PARPBP: variants seen among roughly 807,000 people sequenced by gnomAD.
The protein encoded by PARPBP is PARP1 binding protein.
A neutral mutation model predicts 50.0 loss-of-function variants in PARPBP; 52 were observed. The ratio of observed to expected loss-of-function variants is 1.04; its 90% confidence interval spans 0.83 to 1.31. PARPBP has a LOEUF of 1.31. PARPBP is among the 50% of genes most tolerant of loss of function. The pLI, the probability that PARPBP is intolerant of heterozygous loss-of-function variation, is 0.00. For missense variants in PARPBP, 697 were observed against 672.0 expected (o/e 1.04, Z -0.41); for synonymous variants, 244 against 232.1 (o/e 1.05, Z -0.47).
At chr12:102,128,395 C>T (rs1347253950) in intron 2 of PARPBP, among the ~76,000 whole-genome samples, 1 of 152,182 alleles carries the variant, frequency 6.6e-6, no homozygotes, top group Non-Finnish European at 1.5e-5. Flanking sequence ...CCACACCCGG[C>T]TAATTTTTTG....
At chr12:102,180,965 T>C (rs1889769359) in intron 8 of PARPBP, among the ~76,000 whole-genome samples, 1 of 152,106 alleles carries the variant, frequency 6.6e-6, no homozygotes, top group Non-Finnish European at 1.5e-5. Context: ...GTCAAGGGGG[T>C]TCTAATTCTG....
intron 7 of PARPBP, among the ~76,000 whole-genome samples, chr12:102,176,475 T>C (rs894054803): frequency 3.9e-5 from 6 of 152,240 alleles, no homozygotes; most frequent in African/African-American, 1.4e-4. Flanking sequence ...TACTAAAACC[T>C]GTACCTGGCA....
At chr12:102,151,770 C>A (rs1194491238) in intron 3 of PARPBP, 5 of 1,535,576 alleles carry the variant, frequency 3.3e-6, no homozygotes, top group Non-Finnish European at 4.4e-6. Flanking sequence ...AGAGACGAGA[C>A]CTGAAGAAGC....
intron 4 of PARPBP, among the ~76,000 whole-genome samples, chr12:102,161,130 C>T (rs1193684937): frequency 6.6e-6 from 1 of 151,490 alleles, no homozygotes; most frequent in African/African-American, 2.4e-5. Context: ...TCTTTGGAGA[C>T]AGTCTCATTC....
intron 2 of PARPBP, among the ~76,000 whole-genome samples, chr12:102,136,060 C>A (rs1314457426): frequency 6.6e-6 from 1 of 152,176 alleles, no homozygotes; most frequent in Admixed American, 6.5e-5. Context: ...TCTCCCACAT[C>A]AATTTTTAAA....
chr12:102,166,715 G>A (rs768411398), intron 6 of PARPBP, among the ~76,000 whole-genome samples: 2 of 152,062 alleles, frequency 1.3e-5, no homozygotes, highest in Non-Finnish European at 2.9e-5. Context: ...TCAGTACTGT[G>A]CATCCATTCT....
In PARPBP at chr12:102,197,329, T is replaced by A; in HGVS notation, c.*1038T>A. The A allele has an allele frequency of 1.2e-6, 1 of 825,424 alleles. No homozygotes were observed. The highest frequency in any genetic ancestry group is 1.7e-5 in the African/African-American group (1 of 57,936). 51.1% of individuals were successfully genotyped at this position (825,424 alleles called of 1,614,324 possible). A position where few individuals can be genotyped will look rare whatever the true frequency, so the allele number is the denominator to read the frequency against. On this transcript the variant is annotated 3_prime_UTR_variant, in exon 11 of 11. Coordinates refer to ENST00000327680, the MANE Select transcript of PARPBP (RefSeq NM_017915.5). ...TGCAAATTTATAGGAGAAAAAACAC[T>A]TTCAGATAAGAGGTGTTTGCTGGGA...
chr12:102,125,618 C>G (rs998701329), intron 2 of PARPBP, among the ~76,000 whole-genome samples: 2 of 152,176 alleles, frequency 1.3e-5, no homozygotes, highest in Admixed American at 6.5e-5. Context: ...CTCCTTCCCT[C>G]CACTAATTAC....
At chr12:102,138,276 T>A (rs924364579) in intron 2 of PARPBP, among the ~76,000 whole-genome samples, 4 of 152,354 alleles carry the variant, frequency 2.6e-5, no homozygotes, top group African/African-American at 9.6e-5. Flanking sequence ...CATTTTTTCT[T>A]GTGTCTTTTG....
rs969794302 is a variant in PARPBP, at chr12:102,157,313, G to A, written c.495+3337G>A. Among the ~76,000 whole-genome samples the A allele has an allele frequency of 1.2e-4, 18 of 152,130 alleles. 1 individual carries two copies. The highest frequency in any genetic ancestry group is 5.8e-4 in the East Asian group (3 of 5,178). Reference sequence around the variant, plus strand: ...ATTTCCTAAAAGTAATGGCATAACCGCAATATAAGAAATAAGAAAATTTAA... The same window carrying A: ...ATTTCCTAAAAGTAATGGCATAACCACAATATAAGAAATAAGAAAATTTAA... On this transcript the variant is annotated intron_variant, in intron 4 of 10. Coordinates refer to ENST00000327680, the MANE Select transcript of PARPBP (RefSeq NM_017915.5).
At chr12:102,168,724 C>G (rs1249891791) in intron 6 of PARPBP, among the ~76,000 whole-genome samples, 1 of 152,106 alleles carries the variant, frequency 6.6e-6, no homozygotes, top group Non-Finnish European at 1.5e-5. Flanking sequence ...GAAGGATGAA[C>G]TTGAAGGAGT....
intron 6 of PARPBP, among the ~76,000 whole-genome samples, chr12:102,167,732 G>A (rs991035923): frequency 5.3e-5 from 8 of 152,116 alleles, no homozygotes; most frequent in South Asian, 4.1e-4. Context: ...TCACAGTTCC[G>A]TATGTAGACT....
chr12:102,132,607 A>C (rs900381101), intron 2 of PARPBP, among the ~76,000 whole-genome samples: 3 of 151,992 alleles, frequency 2.0e-5, no homozygotes, highest in Non-Finnish European at 2.9e-5. Flanking sequence ...AGCTTTGTTC[A>C]TTTTGCTCAA....
intron 4 of PARPBP, among the ~76,000 whole-genome samples, chr12:102,161,861 CTG>C (rs564925670): frequency 5.3e-4 from 81 of 152,264 alleles, no homozygotes; most frequent in African/African-American, 1.8e-3. Context: ...CTACTTTAGA[CTG>C]GGGAATCAGG....
intron 4 of PARPBP, 29 bp downstream of exon 4, chr12:102,154,005 C>G: frequency 8.0e-7 from 1 of 1,248,440 alleles, no homozygotes; most frequent in Non-Finnish European, 1.2e-6. Context: ...TAAATTAAAG[C>G]AGACTATAAT....
chr12:102,158,993 T>C (rs758409867), intron 4 of PARPBP, among the ~76,000 whole-genome samples: 5 of 152,248 alleles, frequency 3.3e-5, no homozygotes, highest in Admixed American at 6.5e-5. Flanking sequence ...TATTTTCTAA[T>C]AGAATTTTAC....
At chr12:102,163,952 C>T (rs1887860294) in intron 4 of PARPBP, among the ~76,000 whole-genome samples, 2 of 152,092 alleles carry the variant, frequency 1.3e-5, no homozygotes, top group South Asian at 4.1e-4. Context: ...CTGTTGACTA[C>T]TTTTTACCTT....
chr12:102,192,147 C>T (rs1890850648), intron 9 of PARPBP, among the ~76,000 whole-genome samples: 1 of 152,030 alleles, frequency 6.6e-6, no homozygotes, highest in Non-Finnish European at 1.5e-5. Context: ...AGCTGCATTC[C>T]TAGGATCATT....
intron 7 of PARPBP, among the ~76,000 whole-genome samples, chr12:102,177,249 G>T (rs1011295391): frequency 6.6e-6 from 1 of 152,198 alleles, no homozygotes; most frequent in Admixed American, 6.5e-5. Flanking sequence ...TGATATTGAT[G>T]AAAGCTGAAG....
Sources: allele counts gnomAD v4.1 joint callset (sites outside exome capture counted in the v4.1 genomes callset), GRCh38; gene constraint gnomAD v4.1.1; transcripts MANE v1.5; gene names NCBI Gene and HGNC (gene_info 2026-07-23, HGNC 2026-07-21).